Variants in GRAMD1B observed in about 807,000 individuals in gnomAD.
The protein encoded by GRAMD1B is GRAM domain containing 1B.
GRAMD1B carries 37 observed loss-of-function variants against 99.7 expected under a neutral mutation model. The ratio of observed to expected loss-of-function variants is 0.37; its 90% CI spans 0.29 to 0.49. The LOEUF is 0.49. GRAMD1B is among the 20% of genes least tolerant of loss of function. The pLI is 0.98. For missense variants in GRAMD1B, 888 were observed against 1,009.2 expected (o/e 0.88, Z 1.63); for synonymous variants, 427 against 387.6 (o/e 1.10, Z -1.19).
Position 123,511,889 on chromosome 11 carries a change from G to A in GRAMD1B, c.452+30996G>A, listed in dbSNP as rs190204936. ...CCCTACAGGCTGTGTGATCAGATCC[G>A]AGTCACTTAACTTCTCTGGACTTCC... On this transcript the variant is annotated intron_variant, in intron 2 of 19. Transcript: ENST00000635736. Among the ~76,000 whole-genome samples, 35 of 152,318 alleles carry A rather than the reference G, an allele frequency of 2.3e-4. No individual in the cohort carries two copies. The East Asian group carries it at 5.8e-3, about 25-fold the overall frequency.
chr11:123,591,479 CT>C lies in GRAMD1B; in HGVS notation c.685-2601del, dbSNP rs1295180923. On this transcript the variant is annotated intron_variant, in intron 4 of 19. Coordinates refer to ENST00000635736, the MANE Select transcript of GRAMD1B (RefSeq NM_001387025.1). The surrounding 1 kb of genome is among the most constrained non-coding windows in gnomAD (Gnocchi z 4.7). ...GCTGCTGCAGTGGTACCTGAAGCAG[CT>C]TGGCCATGCACCTGCTGCCGCTGAA... The C allele has an allele frequency of 2.5e-6, 1 of 398,930 alleles. No individual in the cohort carries two copies. The highest frequency in any genetic ancestry group is 2.1e-5 in the African/African-American group (1 of 48,640). 24.7% of individuals were successfully genotyped at this position (398,930 alleles called of 1,614,324 possible). A position where few individuals can be genotyped will look rare whatever the true frequency, so the allele number is the denominator to read the frequency against.
Position 123,489,387 on chromosome 11 carries a change from T to C in GRAMD1B, c.452+8494T>C, listed in dbSNP as rs115041008. Among the ~76,000 whole-genome samples the C allele has an allele frequency of 9.3e-3, 1,416 of 152,176 alleles. 23 individuals carry two copies. Among genetic ancestry groups the C allele is most frequent in the African/African-American group, 0.032 (1,347 of 41,486 alleles). On this transcript the variant is annotated intron_variant, in intron 2 of 19. Coordinates refer to ENST00000635736, the MANE Select transcript of GRAMD1B (RefSeq NM_001387025.1). ...AGAGTGCTCATTTGGCAGTGACCACTATGGAAGAGCACAGCAATGAGAATA... is the reference window on the plus strand; with the variant it reads ...AGAGTGCTCATTTGGCAGTGACCACCATGGAAGAGCACAGCAATGAGAATA...
intron 1 of GRAMD1B, among the ~76,000 whole-genome samples, chr11:123,477,623 C>G (rs1326862899): frequency 7.4e-6 from 1 of 135,544 alleles, no homozygotes; most frequent in African/African-American, 2.7e-5. Flanking sequence ...CTTTCCCTCT[C>G]TCTCCCCTCC....
intron 1 of GRAMD1B, among the ~76,000 whole-genome samples, chr11:123,378,272 C>T (rs1266102028): frequency 1.3e-5 from 2 of 152,114 alleles, no homozygotes; most frequent in Non-Finnish European, 2.9e-5. Context: ...TTTTTTACTG[C>T]CTATGGCAAT....
chr11:123,418,340 G>A (rs917220708), intron 1 of GRAMD1B, among the ~76,000 whole-genome samples: 1 of 152,166 alleles, frequency 6.6e-6, no homozygotes, highest in Non-Finnish European at 1.5e-5. Context: ...AAGAGAGTAG[G>A]ATGAAATCCC....
chr11:123,512,715 T>A (rs1387421766), intron 2 of GRAMD1B, among the ~76,000 whole-genome samples: 5 of 150,368 alleles, frequency 3.3e-5, no homozygotes, highest in African/African-American at 1.2e-4. Flanking sequence ...TTTTTTTTTT[T>A]TTTTTTTTTT....
chr11:123,399,985 G>A (rs1947602841), intron 1 of GRAMD1B, among the ~76,000 whole-genome samples: 1 of 152,114 alleles, frequency 6.6e-6, no homozygotes, highest in Non-Finnish European at 1.5e-5. Context: ...TTTGAACCTG[G>A]TAACCATTTA....
At chr11:123,358,688 C>G (rs528881554) in exon 1 of GRAMD1B, 1 of 152,558 alleles carries the variant, frequency 6.6e-6, no homozygotes, top group Admixed American at 6.5e-5. Context: ...CAAAGCCAGG[C>G]TCGCGGGGAG....
chr11:123,593,200 C>G (rs1244294204), intron 4 of GRAMD1B, among the ~76,000 whole-genome samples: 2 of 152,068 alleles, frequency 1.3e-5, no homozygotes, highest in Non-Finnish European at 2.9e-5. Flanking sequence ...CCACTGCACT[C>G]CAGCCTGGGT....
chr11:123,593,947 C>T, intron 4 of GRAMD1B, 135 bp from the exon 5 acceptor site: 1 of 667,596 alleles, frequency 1.5e-6, no homozygotes, highest in Non-Finnish European at 2.7e-6. Context: ...TCAGCCTGGC[C>T]TCCTAGGGTC....
intron 1 of GRAMD1B, among the ~76,000 whole-genome samples, chr11:123,434,230 CAAAAA>C (rs33942028): frequency 1.4e-5 from 1 of 73,022 alleles, no homozygotes; most frequent in Non-Finnish European, 2.5e-5. Context: ...ACTCCGTTTC[CAAAAA>C]AAAAAAAAAA....
chr11:123,467,808 T>C (rs1471793522), intron 1 of GRAMD1B, among the ~76,000 whole-genome samples: 1 of 136,232 alleles, frequency 7.3e-6, no homozygotes, highest in Non-Finnish European at 1.6e-5. Context: ...CTTCTTTTTC[T>C]TTCTTTTCTT....
intron 2 of GRAMD1B, among the ~76,000 whole-genome samples, chr11:123,500,389 C>T (rs890798421): frequency 6.6e-6 from 1 of 152,134 alleles, no homozygotes; most frequent in Non-Finnish European, 1.5e-5. Context: ...CTCAAGAGGT[C>T]CAGTGCGCTA....
intron 2 of GRAMD1B, among the ~76,000 whole-genome samples, chr11:123,514,448 T>C (rs1242361274): frequency 6.6e-6 from 1 of 152,176 alleles, no homozygotes; most frequent in African/African-American, 2.4e-5. Context: ...TACGCTGGGA[T>C]TGTCATGAGG....
intron 1 of GRAMD1B, among the ~76,000 whole-genome samples, chr11:123,397,367 A>G (rs1263579135): frequency 1.3e-5 from 2 of 152,164 alleles, no homozygotes; most frequent in Admixed American, 6.5e-5. Flanking sequence ...AGATCATGCC[A>G]TTGCACTCCA....
intron 1 of GRAMD1B, among the ~76,000 whole-genome samples, chr11:123,475,411 G>A (rs185930935): frequency 6.6e-5 from 10 of 152,114 alleles, no homozygotes; most frequent in Admixed American, 2.6e-4. Context: ...TTTCCCTCAG[G>A]AATATCCCAG....
rs140122943 is a variant in GRAMD1B, at chr11:123,592,215, G to A, written c.685-1867G>A. 3.0e-3 allele frequency among the ~76,000 whole-genome samples: 455 copies of A among 152,246 alleles called. 5 individuals carry two copies. Among genetic ancestry groups the A allele is most frequent in the Admixed American group, 0.012 (180 of 15,300 alleles). On this transcript the variant is annotated intron_variant, in intron 4 of 19. Transcript: ENST00000635736. ...AGGGCTTGGAAGGCTAGCAGGGGCCGCAAAGCAGGTAAATATCTCATTCTC... is the reference window on the plus strand; with the variant it reads ...AGGGCTTGGAAGGCTAGCAGGGGCCACAAAGCAGGTAAATATCTCATTCTC...
chr11:123,435,937 CTTTT>C (rs10647186), intron 1 of GRAMD1B, among the ~76,000 whole-genome samples: 2 of 95,704 alleles, frequency 2.1e-5, no homozygotes, highest in Non-Finnish European at 2.0e-5. Flanking sequence ...GAAACTCATA[CTTTT>C]TTTTTTTTTT....
At position 123,415,834 on chromosome 11, in the gene GRAMD1B, A is replaced by G. The variant is rs77368232; in HGVS notation, c.-176+57035A>G. On this transcript the variant is annotated intron_variant, in intron 1 of 20. Coordinates refer to the GRAMD1B transcript ENST00000638157. Reference sequence around the variant, plus strand: ...TGTTTTCTATTAAAATATAGTCACTATTACTTTTTGGACCAATATGCATCT... The same window carrying G: ...TGTTTTCTATTAAAATATAGTCACTGTTACTTTTTGGACCAATATGCATCT... Among the ~76,000 whole-genome samples, 411 of 152,280 alleles carry G rather than the reference A, an allele frequency of 2.7e-3. 17 individuals are homozygous for G. The East Asian group carries it at 0.067, about 25-fold the overall frequency.
Sources: gnomAD v4.1 joint callset for allele counts (sites outside exome capture counted in the v4.1 genomes callset) on GRCh38, gnomAD v4.1.1 for gene constraint, Gnocchi (gnomAD v3.1) non-coding constraint, MANE v1.5 for transcripts, NCBI Gene and HGNC (gene_info 2026-07-23, HGNC 2026-07-21) for gene names.